Variants in ANKRD30B observed in about 807,000 individuals in gnomAD.
The protein encoded by ANKRD30B is ankyrin repeat domain 30B, also known as ankyrin repeat domain-containing protein 30B.
In ANKRD30B, 144 loss-of-function variants were observed where a neutral mutation model predicts 202.2. The ratio of observed to expected loss-of-function variants is 0.71; its 90% CI spans 0.62 to 0.82. The LOEUF (loss-of-function observed/expected upper bound fraction) is 0.82, where lower values mean the gene tolerates loss of function less well. Among genes scored for constraint, ANKRD30B ranks in the 40% least tolerant of loss-of-function variants. The pLI is 0.00. For synonymous variants in ANKRD30B, 508 were observed against 561.3 expected (o/e 0.91, Z 1.34); for missense variants, 1,487 against 1,669.1 (o/e 0.89, Z 1.90).
At chr18:14,755,037 A>G (rs1914114609) in intron 4 of ANKRD30B, 32 bp downstream of exon 4, 5 of 1,256,498 alleles carry the variant, frequency 4.0e-6, no homozygotes, top group Non-Finnish European at 2.1e-6. Context: ...ACTAAAAAAC[A>G]CTTGACTAGT....
At chr18:14,799,528 G>A (rs914630225) in intron 22 of ANKRD30B, among the ~76,000 whole-genome samples, 2 of 152,122 alleles carry the variant, frequency 1.3e-5, no homozygotes, top group East Asian at 1.9e-4. Flanking sequence ...TTAATATCCC[G>A]ATAGTATAAA....
chr18:14,913,127 C>A, the ANKRD30B span, among the ~76,000 whole-genome samples: 1 of 152,234 alleles, frequency 6.6e-6, no homozygotes, highest in Non-Finnish European at 1.5e-5. Context: ...AGATTTCCTG[C>A]ACATCCATGT....
chr18:14,793,607 A>G (rs1275019049), intron 16 of ANKRD30B, among the ~76,000 whole-genome samples: 2 of 152,052 alleles, frequency 1.3e-5, no homozygotes, highest in African/African-American at 4.8e-5. Context: ...TTATTTAAAG[A>G]TTTCAGGCCA....
chr18:14,917,714 G>T, the ANKRD30B span, among the ~76,000 whole-genome samples: 2 of 152,212 alleles, frequency 1.3e-5, no homozygotes, highest in African/African-American at 4.8e-5. Context: ...GTTCCTCAGG[G>T]ATGAGACCTG....
intron 6 of ANKRD30B, among the ~76,000 whole-genome samples, chr18:14,762,911 G>T (rs143704142): frequency 0.011 from 1,646 of 152,220 alleles, 39 homozygotes; most frequent in African/African-American, 0.037. Context: ...ATACAGAAGA[G>T]CTGTGCCTAT....
At chr18:14,754,548 C>T (rs9676211) in intron 3 of ANKRD30B, among the ~76,000 whole-genome samples, 62,157 of 151,848 alleles carry the variant, frequency 0.41, 13,423 homozygotes, top group Non-Finnish European at 0.49. Context: ...CTCATTTAGT[C>T]AAAAACAAAG....
At chr18:14,840,509 C>G in intron 36 of ANKRD30B, 79 bp from the exon 37 acceptor site, 2 of 654,444 alleles carry the variant, frequency 3.1e-6, no homozygotes, top group Non-Finnish European at 4.4e-6. Context: ...ACTGGGCAAC[C>G]CTGCGAGGCT....
intron 26 of ANKRD30B, 103 bp downstream of exon 26, chr18:14,808,847 G>T (rs45568338): frequency 3.7e-5 from 44 of 1,185,116 alleles, no homozygotes; most frequent in Non-Finnish European, 4.9e-5. Flanking sequence ...AGAAAATTTG[G>T]TGGGAAAATT....
At chr18:14,820,382 A>G (rs1970352630) in intron 30 of ANKRD30B, among the ~76,000 whole-genome samples, 1 of 152,214 alleles carries the variant, frequency 6.6e-6, no homozygotes, top group East Asian at 1.9e-4. Context: ...TGCCCTGGCC[A>G]GAACTTCCAA....
chr18:14,940,149 A>T, the ANKRD30B span, among the ~76,000 whole-genome samples: 1 of 152,132 alleles, frequency 6.6e-6, no homozygotes, highest in East Asian at 1.9e-4. Flanking sequence ...AGGTCCATGG[A>T]TCTAATGTTA....
the ANKRD30B span, among the ~76,000 whole-genome samples, chr18:14,912,006 C>T: frequency 2.0e-5 from 3 of 152,098 alleles, no homozygotes; most frequent in Non-Finnish European, 4.4e-5. Context: ...TTTATCAAAT[C>T]TAAGAGTTTA....
chr18:14,907,993 T>G, the ANKRD30B span, among the ~76,000 whole-genome samples: 2 of 152,290 alleles, frequency 1.3e-5, no homozygotes, highest in South Asian at 2.1e-4. Context: ...TTTTATCATA[T>G]GCATATACGT....
At chr18:14,922,245 G>C in the ANKRD30B span, among the ~76,000 whole-genome samples, 3,188 of 152,192 alleles carry the variant, frequency 0.021, 108 homozygotes, top group African/African-American at 0.073. Flanking sequence ...CCCACAGAGG[G>C]AGCATTTACA....
Position 14,827,914 on chromosome 18 carries a change from T to A in ANKRD30B, c.2744-364T>A, listed in dbSNP as rs528246387. On this transcript the variant is annotated intron_variant, in intron 32 of 43. Transcript: ENST00000690538. The stretch of plus-strand genomic sequence containing the variant: ...AGGGGAAATAAGCATTCTTAATGCA[T>A]TAATTTCCTACCAATAGTATACTTA... Among the ~76,000 whole-genome samples the A allele has an allele frequency of 6.4e-4, 98 of 152,292 alleles. No homozygotes were observed. The Middle Eastern group carries it at 0.017, about 26-fold the overall frequency.
At chr18:14,798,327 T>G (rs571856835) in intron 20 of ANKRD30B, among the ~76,000 whole-genome samples, 121 of 152,186 alleles carry the variant, frequency 8.0e-4, no homozygotes, top group African/African-American at 2.8e-3. Context: ...AAGTAATTCT[T>G]TAACTAACAT....
At chr18:14,773,190 A>G (rs939720573) in intron 9 of ANKRD30B, among the ~76,000 whole-genome samples, 7 of 152,186 alleles carry the variant, frequency 4.6e-5, no homozygotes, top group African/African-American at 1.4e-4. Flanking sequence ...TTTTAAATAT[A>G]TTGTTCAAAG....
the ANKRD30B span, among the ~76,000 whole-genome samples, chr18:14,904,171 C>G: frequency 6.6e-6 from 1 of 152,216 alleles, no homozygotes; most frequent in African/African-American, 2.4e-5. Context: ...GTTCTCTTCC[C>G]ATGATCTGGC....
intron 34 of ANKRD30B, among the ~76,000 whole-genome samples, chr18:14,836,332 A>G (rs1013067568): frequency 1.3e-5 from 2 of 152,098 alleles, no homozygotes; most frequent in African/African-American, 4.8e-5. Context: ...ATCCTAGTAA[A>G]TAACAACTAG....
chr18:14,775,871 ATTAAC>A lies in ANKRD30B; in HGVS notation c.1330-2108_1330-2104del, dbSNP rs573862920. Reference sequence around the variant, plus strand: ...AGCTATGGGAACTTGGAAAAAATCAATTAACTTAACCAAATGCAACTAACTTGGTT... The same window carrying A: ...AGCTATGGGAACTTGGAAAAAATCAATTAACCAAATGCAACTAACTTGGTT... On this transcript the variant is annotated intron_variant, in intron 9 of 43. Coordinates refer to ENST00000690538, the MANE Select transcript of ANKRD30B (RefSeq NM_001367607.2). Among the ~76,000 whole-genome samples, 143 of 152,392 alleles carry A rather than the reference ATTAAC, an allele frequency of 9.4e-4. No homozygotes were observed. The Middle Eastern group carries it at 0.01, about 11-fold the overall frequency.
Sources: allele counts gnomAD v4.1 joint callset (sites outside exome capture counted in the v4.1 genomes callset), GRCh38; gene constraint gnomAD v4.1.1; transcripts MANE v1.5; gene names NCBI Gene and HGNC (gene_info 2026-07-23, HGNC 2026-07-21).